The following ADRA1A variants were observed in gnomAD, a reference collection of about 807,000 sequenced individuals.
The protein encoded by ADRA1A is alpha-1A adrenergic receptor.
A neutral mutation model predicts 29.6 loss-of-function variants in ADRA1A; 31 were observed. The ratio of observed to expected loss-of-function variants is 1.05; its 90% CI spans 0.79 to 1.41. ADRA1A has a LOEUF of 1.41. ADRA1A is among the 40% of genes most tolerant of loss of function. ADRA1A has a pLI of 0.00. For synonymous variants in ADRA1A, 311 were observed against 254.3 expected, an observed-to-expected ratio of 1.22 and a Z score of -2.12; for missense variants, 619 against 601.1, an observed-to-expected ratio of 1.03 and a Z score of -0.31.
chr8:26,769,294 C>T lies in ADRA1A; in HGVS notation c.*855G>A. 1.0e-6 allele frequency: 1 copy of T among 985,390 alleles called. No individual in the cohort carries two copies. Among genetic ancestry groups the T allele is most frequent in the Non-Finnish European group, 1.2e-6 (1 of 829,906 alleles). The allele number at this position is 985,390 out of a possible 1,614,324, so 61.0% of individuals were successfully genotyped here. A position where few individuals can be genotyped will look rare whatever the true frequency, so the allele number is the denominator to read the frequency against. On this transcript the variant is annotated 3_prime_UTR_variant, in exon 3 of 3. Transcript: ENST00000380573. ...TCTTTGCAAGAAATTAACAGCCACA[C>T]CAACCTCTTGCTCTTTAAAGATATT...
chr8:26,857,262 G>A (rs537602373), intron 2 of ADRA1A, among the ~76,000 whole-genome samples: 10 of 152,080 alleles, frequency 6.6e-5, no homozygotes, highest in Non-Finnish European at 1.3e-4. Flanking sequence ...GGGTGCTGAC[G>A]TACTTTTGAC....
intron 2 of ADRA1A, among the ~76,000 whole-genome samples, chr8:26,859,758 T>A (rs2130782694): frequency 6.6e-6 from 1 of 150,814 alleles, no homozygotes; most frequent in South Asian, 2.1e-4. Context: ...TTCCCTCCTG[T>A]CATATCATTT....
chr8:26,821,114 T>C lies in ADRA1A; in HGVS notation c.883+42973A>G, dbSNP rs1022968303. Among the ~76,000 whole-genome samples the C allele has an allele frequency of 7.9e-5, 12 of 152,084 alleles. No homozygotes were observed. Among genetic ancestry groups the C allele is most frequent in the Non-Finnish European group, 1.6e-4 (11 of 68,016 alleles). On this transcript the variant is annotated intron_variant, in intron 2 of 2. Transcript: ENST00000380573. This position sits in a 1 kb window ranked among gnomAD's most constrained non-coding sequence, Gnocchi z 5.6. ...CCATGTTAGCCAGGTGGTCTCAAAC[T>C]CCTGACCTCAGGTGATCCACCCACC...
At chr8:26,859,139 C>T (rs1454702198) in intron 2 of ADRA1A, 9 of 1,289,944 alleles carry the variant, frequency 7.0e-6, no homozygotes, top group South Asian at 6.2e-5. Context: ...TTTCCTCTCC[C>T]GCAGCCTAGT....
intron 2 of ADRA1A, among the ~76,000 whole-genome samples, chr8:26,782,754 G>A (rs1053275939): frequency 2.0e-5 from 3 of 151,982 alleles, no homozygotes; most frequent in Non-Finnish European, 1.5e-5. Context: ...CCTGAGCTCC[G>A]TCCTGCACAC....
chr8:26,785,474 G>A (rs1396784718), intron 2 of ADRA1A, among the ~76,000 whole-genome samples: 1 of 152,162 alleles, frequency 6.6e-6, no homozygotes, highest in Non-Finnish European at 1.5e-5. Context: ...CAGCCAGTGA[G>A]CAAAACGACT....
chr8:26,763,889 A>G (rs1331097233), downstream of ADRA1A, among the ~76,000 whole-genome samples: 3 of 152,226 alleles, frequency 2.0e-5, no homozygotes, highest in African/African-American at 7.2e-5. The surrounding 1 kb of genome is among the most constrained non-coding windows in gnomAD (Gnocchi z 4.5). Flanking sequence ...CACAATGCCT[A>G]AAATATTTAC....
intron 2 of ADRA1A, among the ~76,000 whole-genome samples, chr8:26,840,417 G>C (rs1306816862): frequency 1.3e-5 from 2 of 152,180 alleles, no homozygotes; most frequent in Non-Finnish European, 2.9e-5. Context: ...CTGCTCCACT[G>C]GCTTCTATAC....
intron 2 of ADRA1A, among the ~76,000 whole-genome samples, chr8:26,794,177 A>C (rs11991324): frequency 0.035 from 5,334 of 152,202 alleles, 180 homozygotes; most frequent in African/African-American, 0.088. Flanking sequence ...AATAATTAAC[A>C]GGAAGGGAAC....
rs1194036876 is a variant in ADRA1A at position 26,796,898 on chromosome 8, A to T, written c.884-26232T>A. Among the ~76,000 whole-genome samples the T allele has an allele frequency of 6.6e-6, 1 of 152,148 alleles. No homozygotes were observed. The highest frequency in any genetic ancestry group is 2.4e-5 in the African/African-American group (1 of 41,458). ...ACATATTGGAGAGGTTTATTCCCTCACTGCGCAAATTTTTATAGAGATGAG... is the reference window on the plus strand; with the variant it reads ...ACATATTGGAGAGGTTTATTCCCTCTCTGCGCAAATTTTTATAGAGATGAG... On this transcript the variant is annotated intron_variant, in intron 2 of 2. Transcript: ENST00000380573. The surrounding 1 kb of genome is among the most constrained non-coding windows in gnomAD (Gnocchi z 5.0).
chr8:26,754,368 T>G (rs916646545), downstream of ADRA1A, among the ~76,000 whole-genome samples: 1 of 152,202 alleles, frequency 6.6e-6, no homozygotes, highest in African/African-American at 2.4e-5. Context: ...ATTAACTTTT[T>G]TTTTTAAATG....
intron 2 of ADRA1A, among the ~76,000 whole-genome samples, chr8:26,776,564 C>T (rs1806562490): frequency 1.3e-5 from 2 of 152,156 alleles, no homozygotes; most frequent in African/African-American, 2.4e-5. Context: ...GACCCAAACT[C>T]GGCTCCACCT....
At chr8:26,754,558 A>G (rs1805068608), downstream of ADRA1A, among the ~76,000 whole-genome samples, 1 of 152,218 alleles carries the variant, frequency 6.6e-6, no homozygotes, top group East Asian at 1.9e-4. Context: ...GTCAGCCCAC[A>G]TTTGCTTCTC....
At chr8:26,751,830 T>G (rs1317239528), downstream of ADRA1A, among the ~76,000 whole-genome samples, 1 of 152,344 alleles carries the variant, frequency 6.6e-6, no homozygotes, top group Non-Finnish European at 1.5e-5. Context: ...AAGCTTCTAT[T>G]ATTATCTCGT....
In ADRA1A at chr8:26,770,565, A is replaced by C. The variant is rs544693873; in HGVS notation, c.985T>G (p.Ser329Ala). ...SCINPIIYPC[S>A]SQEFKKAFQN... is the part of the protein sequence containing the mutation. Reference sequence around the variant, plus strand: ...AAGGCCTTTTTGAACTCTTGGCTGGAGCATGGGTATATGATGGGGTTGATG... The same window carrying C: ...AAGGCCTTTTTGAACTCTTGGCTGGCGCATGGGTATATGATGGGGTTGATG... Residue 329 changes from serine to alanine, a missense_variant, in exon 3 of 3, where the codon TCC becomes GCC. Physicochemically the swap from Ser to Ala is moderately conservative, Grantham distance 99. Transcript: ENST00000380573. 6.2e-7 allele frequency: 1 copy of C among 1,614,198 alleles called. No individual in the cohort carries two copies. Among genetic ancestry groups the C allele is most frequent in the Admixed American group, 1.7e-5 (1 of 60,032 alleles).
intron 2 of ADRA1A, among the ~76,000 whole-genome samples, chr8:26,861,559 G>A (rs918350012): frequency 1.3e-5 from 2 of 151,812 alleles, no homozygotes; most frequent in African/African-American, 2.4e-5. Context: ...TCTGTAGCCC[G>A]CCTCCTCTCT....
chr8:26,824,663 C>T (rs1466334325), intron 2 of ADRA1A, among the ~76,000 whole-genome samples: 1 of 152,102 alleles, frequency 6.6e-6, no homozygotes, highest in Non-Finnish European at 1.5e-5. Flanking sequence ...CTCTAATTAG[C>T]TAAATAAAGA....
intron 2 of ADRA1A, among the ~76,000 whole-genome samples, chr8:26,855,413 TAA>T (rs80130885): frequency 7.2e-6 from 1 of 139,068 alleles, no homozygotes; most frequent in Non-Finnish European, 1.6e-5. Flanking sequence ...AGCTTACCGA[TAA>T]AAAAAAAAAG....
downstream of ADRA1A, among the ~76,000 whole-genome samples, chr8:26,755,207 T>TC (rs1491498820): frequency 6.6e-6 from 1 of 150,988 alleles, no homozygotes; most frequent in Non-Finnish European, 1.5e-5. Flanking sequence ...TTTTTTTTTT[T>TC]CTCTGTTTAG....
Sources: gnomAD v4.1 joint callset for allele counts (sites outside exome capture counted in the v4.1 genomes callset) on GRCh38, gnomAD v4.1.1 for gene constraint, Gnocchi (gnomAD v3.1) non-coding constraint, MANE v1.5 for transcripts, NCBI Gene and HGNC (gene_info 2026-07-23, HGNC 2026-07-21) for gene names.